The following SAE1 variants were observed in gnomAD, a reference collection of about 807,000 sequenced individuals.
SAE1 encodes SUMO1 activating enzyme subunit 1.
In SAE1, 11 loss-of-function variants were observed where a neutral mutation model predicts 40.6. That is an observed-to-expected ratio of 0.27 (90% CI 0.17 to 0.45). The LOEUF is 0.45. SAE1 is among the 20% of genes least tolerant of loss of function. SAE1 has a pLI of 1.00. For missense variants in SAE1, 373 were observed against 427.3 expected (o/e 0.87, Z 1.12); for synonymous variants, 155 against 154.3 (o/e 1.00, Z -0.03).
Position 47,130,938 on chromosome 19 carries a change from A to G in SAE1, c.8A>G (p.Glu3Gly). The G allele has an allele frequency of 1.3e-6, 2 of 1,549,834 alleles. No homozygotes were observed. The highest frequency in any genetic ancestry group is 1.7e-6 in the Non-Finnish European group (2 of 1,146,560). The part of the protein sequence containing the change: MV[E>G]KEEAGGGISE... ...GCAGGAAGAGCCGGCGCCATGGTGG[A>G]GAAGGAGGAGGCTGGCGGCGGCATT... is the stretch of plus-strand genomic sequence containing the variant. The change falls in exon 1 of 9, where the codon GAG (glutamate) becomes GGG (glycine). Residue 3 changes from glutamate (E) to glycine (G), a missense_variant. Glu to Gly is a moderately conservative substitution (Grantham distance 98). Transcript: ENST00000270225.
chr19:47,140,637 A>AC (rs1302911732), intron 1 of SAE1, among the ~76,000 whole-genome samples: 1 of 151,494 alleles, frequency 6.6e-6, no homozygotes, highest in Non-Finnish European at 1.5e-5. Flanking sequence ...AAAAAAAAAA[A>AC]ACCCATAAAT....
intron 6 of SAE1, among the ~76,000 whole-genome samples, chr19:47,172,382 T>C (rs1162788810): frequency 6.6e-6 from 1 of 152,162 alleles, no homozygotes; most frequent in Non-Finnish European, 1.5e-5. Flanking sequence ...GTCTTTTCCA[T>C]GTGGGAACAG....
At chr19:47,166,451 T>A (rs990390682) in intron 5 of SAE1, among the ~76,000 whole-genome samples, 2 of 152,188 alleles carry the variant, frequency 1.3e-5, no homozygotes, top group African/African-American at 4.8e-5. Context: ...TATAACTAAA[T>A]ATGTAGACAT....
At chr19:47,168,192 GA>G (rs200766691) in intron 5 of SAE1, among the ~76,000 whole-genome samples, 18 of 148,500 alleles carry the variant, frequency 1.2e-4, no homozygotes, top group Admixed American at 2.7e-4. Context: ...AGACTGTCTG[GA>G]AAAAAAAAAT....
At chr19:47,201,604 G>T (rs1029691941) in intron 7 of SAE1, among the ~76,000 whole-genome samples, 33 of 150,156 alleles carry the variant, frequency 2.2e-4, no homozygotes, top group African/African-American at 7.4e-4. Context: ...CCTCCAATAC[G>T]GCCAAAATGA....
rs368541771 is a variant in SAE1, at chr19:47,181,352, TAAAA to T, written c.733+11431_733+11434del. 7.0e-3 allele frequency among the ~76,000 whole-genome samples: 1,067 copies of T among 151,856 alleles called. 9 individuals are homozygous for T. Among genetic ancestry groups the T allele is most frequent in the African/African-American group, 0.025 (1,031 of 41,408 alleles). Reference sequence around the variant, plus strand: ...TAATAATAATAAAATAAAAAACAAATAAAAAGGTCTGTAGGTTAGATAGCAGTAC... The same window carrying T: ...TAATAATAATAAAATAAAAAACAAATAGGTCTGTAGGTTAGATAGCAGTAC... On this transcript the variant is annotated intron_variant, in intron 6 of 8. Transcript: ENST00000270225.
chr19:47,148,616 T>C (rs1273665710), intron 2 of SAE1, among the ~76,000 whole-genome samples: 4 of 151,072 alleles, frequency 2.6e-5, no homozygotes, highest in Non-Finnish European at 4.4e-5. Context: ...CTCTCTGAGT[T>C]CTTTTTTTTT....
At chr19:47,170,083 G>C (rs1206211658) in intron 6 of SAE1, among the ~76,000 whole-genome samples, 160 bp downstream of exon 6, 2 of 152,152 alleles carry the variant, frequency 1.3e-5, no homozygotes, top group Non-Finnish European at 2.9e-5. Context: ...TCACTTGAAG[G>C]GGGTGAGGTC....
chr19:47,198,506 C>T (rs1248438251), intron 7 of SAE1, among the ~76,000 whole-genome samples: 1 of 152,152 alleles, frequency 6.6e-6, no homozygotes, highest in African/African-American at 2.4e-5. Flanking sequence ...TTTGCAGTGC[C>T]TCCAGCTTGT....
At chr19:47,202,168 C>G (rs1002170734) in intron 7 of SAE1, among the ~76,000 whole-genome samples, 1 of 152,082 alleles carries the variant, frequency 6.6e-6, no homozygotes, top group East Asian at 1.9e-4. Context: ...GGAATTATTT[C>G]GACGCCTGTG....
At position 47,176,809 on chromosome 19, in the gene SAE1, C is replaced by T. The variant is rs187613302; in HGVS notation, c.733+6886C>T. Among the ~76,000 whole-genome samples, 363 of 152,298 alleles carry T rather than the reference C, an allele frequency of 2.4e-3. 2 individuals carry two copies. Among genetic ancestry groups the T allele is most frequent in the African/African-American group, 8.4e-3 (348 of 41,570 alleles). On this transcript the variant is annotated intron_variant, in intron 6 of 8. Coordinates refer to ENST00000270225, the MANE Select transcript of SAE1 (RefSeq NM_005500.3). ...TTTCCACTGTCTTGAGAGTTGGCCT[C>T]GCCATCTGTGAGCAAAAGGTCTCTT...
At chr19:47,198,813 C>T (rs946517797) in intron 7 of SAE1, among the ~76,000 whole-genome samples, 1 of 152,178 alleles carries the variant, frequency 6.6e-6, no homozygotes, top group Non-Finnish European at 1.5e-5. Context: ...TGTCCTGGTA[C>T]AGTGGCTCAC....
chr19:47,183,200 GC>G (rs2058522165), intron 6 of SAE1, among the ~76,000 whole-genome samples: 1 of 152,120 alleles, frequency 6.6e-6, no homozygotes, highest in Non-Finnish European at 1.5e-5. Context: ...ACAGGCGTGA[GC>G]CACTGTGCCT....
intron 1 of SAE1, among the ~76,000 whole-genome samples, chr19:47,134,333 G>A (rs1414811262): frequency 6.6e-6 from 1 of 151,538 alleles, no homozygotes; most frequent in East Asian, 1.9e-4. Flanking sequence ...CTTTCAGAAG[G>A]TTTTAGAGGG....
chr19:47,173,348 T>C (rs750481241), intron 6 of SAE1, among the ~76,000 whole-genome samples: 5 of 152,158 alleles, frequency 3.3e-5, no homozygotes, highest in Admixed American at 6.6e-5. Context: ...AGAAGTCATA[T>C]AGCTACTGTT....
At chr19:47,132,101 T>A (rs1254459574) in intron 1 of SAE1, among the ~76,000 whole-genome samples, 2 of 152,050 alleles carry the variant, frequency 1.3e-5, no homozygotes, top group African/African-American at 2.4e-5. Context: ...TAGCTGGGAT[T>A]ACAGGCTCGC....
intron 2 of SAE1, among the ~76,000 whole-genome samples, chr19:47,147,640 A>AT (rs2058262551): frequency 6.7e-6 from 1 of 148,162 alleles, no homozygotes; most frequent in African/African-American, 2.5e-5. Context: ...TTTAGTAGAG[A>AT]TGGGGTTTCA....
chr19:47,175,117 T>TA (rs2058461267), intron 6 of SAE1, among the ~76,000 whole-genome samples: 1 of 148,030 alleles, frequency 6.8e-6, no homozygotes, highest in Non-Finnish European at 1.5e-5. Flanking sequence ...ATTTTTTTTT[T>TA]TTTTTTTTTT....
At chr19:47,171,010 C>T (rs931574183) in intron 6 of SAE1, among the ~76,000 whole-genome samples, 1 of 152,080 alleles carries the variant, frequency 6.6e-6, no homozygotes, top group South Asian at 2.1e-4. Flanking sequence ...GAGTCTCGCT[C>T]TGTCCCCAGG....
Sources: gnomAD v4.1 joint callset for allele counts (sites outside exome capture counted in the v4.1 genomes callset) on GRCh38, gnomAD v4.1.1 for gene constraint, MANE v1.5 for transcripts, NCBI Gene and HGNC (gene_info 2026-07-23, HGNC 2026-07-21) for gene names.